GRM1: variants seen among roughly 807,000 people sequenced by gnomAD.
GRM1 encodes metabotropic glutamate receptor 1.
In GRM1, 33 loss-of-function variants were observed where a neutral mutation model predicts 90.9. That is an observed-to-expected ratio of 0.36 (90% CI 0.28 to 0.49). The LOEUF (loss-of-function observed/expected upper bound fraction) is 0.49. Among genes scored for constraint, GRM1 ranks in the 20% least tolerant of loss-of-function variants. GRM1 has a pLI of 0.99. For synonymous variants in GRM1, 700 were observed against 613.2 expected, an observed-to-expected ratio of 1.14 and a Z score of -2.09; for missense variants, 1,190 against 1,534.3, an observed-to-expected ratio of 0.78 and a Z score of 3.75.
chr6:146,101,442 G>C (rs1490567928), intron 1 of GRM1, among the ~76,000 whole-genome samples: 1 of 152,006 alleles, frequency 6.6e-6, no homozygotes. Context: ...ATTGTTAAAA[G>C]CCCTTCAGTA....
Position 146,078,120 on chromosome 6 carries a change from C to G in GRM1, c.700+47903C>G, listed in dbSNP as rs1326301123. ...GAAAAAAAAGATTTCCTTTGTCGCT[C>G]TGTGTGATGAGAGGAGTAAGCATTG... is the stretch of plus-strand genomic sequence containing the variant. On this transcript the variant is annotated intron_variant, in intron 1 of 7. Coordinates refer to ENST00000282753, the MANE Select transcript of GRM1 (RefSeq NM_001278064.2). Among the ~76,000 whole-genome samples, 4 of 152,154 alleles carry G rather than the reference C, an allele frequency of 2.6e-5. No individual in the cohort carries two copies. In the East Asian group the frequency reaches 7.7e-4, roughly 29 times the overall value.
chr6:146,047,968 G>C (rs767869621), intron 1 of GRM1, among the ~76,000 whole-genome samples: 1 of 151,904 alleles, frequency 6.6e-6, no homozygotes, highest in Non-Finnish European at 1.5e-5. Context: ...CACTCCTTAT[G>C]TCACTCCTTA....
rs1431804100 is a variant in GRM1 at position 146,244,218 on chromosome 6, A to ACTT, written c.951-60393_951-60392insCTT. Among the ~76,000 whole-genome samples, 130 of 152,222 alleles carry ACTT rather than the reference A, an allele frequency of 8.5e-4. 1 individual carries two copies. The highest frequency in any genetic ancestry group is 7.2e-4 in the Admixed American group (11 of 15,264). On this transcript the variant is annotated intron_variant, in intron 2 of 7. Transcript: ENST00000282753. ...TGACAGGATTAAGAGATTAAAGTAA[A>ACTT]GACAGGCATAGGAAATCACAAGAGT...
intron 1 of GRM1, among the ~76,000 whole-genome samples, chr6:146,134,148 A>G (rs1331857013): frequency 2.0e-5 from 3 of 152,196 alleles, no homozygotes; most frequent in Non-Finnish European, 4.4e-5. Context: ...CTCCTGCAGC[A>G]TATTGAATAC....
chr6:146,213,302 G>A (rs371022334), intron 2 of GRM1, among the ~76,000 whole-genome samples: 30 of 152,148 alleles, frequency 2.0e-4, no homozygotes, highest in Admixed American at 5.9e-4. Context: ...GATGAGATTG[G>A]GTGGGGGGCG....
chr6:146,372,149 C>A (rs983120121), intron 5 of GRM1, among the ~76,000 whole-genome samples: 1 of 152,152 alleles, frequency 6.6e-6, no homozygotes, highest in African/African-American at 2.4e-5. Flanking sequence ...TGGATATAAA[C>A]CATTTTAACT....
chr6:146,352,277 T>C lies in GRM1; in HGVS notation c.1214T>C (p.Val405Ala). The change falls in exon 4 of 8, where the codon GTC becomes GCC. Residue 405 changes from valine (V) to alanine (A), a missense_variant. Val to Ala is a moderately conservative substitution (Grantham distance 64). Around this residue, in one of 10 missense-constraint regions of GRM1, gnomAD observed 414 missense variants for 598.4 expected, o/e 0.69. Coordinates refer to ENST00000282753, the MANE Select transcript of GRM1 (RefSeq NM_001278064.2). ...TGNESLEENY[V>A]QDSKMGFVIN... ...AATGAAAGCTTAGAAGAAAACTATG[T>C]CCAGGACAGTAAGATGGGGTTTGTC... The C allele has an allele frequency of 1.2e-6, 2 of 1,613,726 alleles. No individual in the cohort carries two copies. The highest frequency in any genetic ancestry group is 1.7e-6 in the Non-Finnish European group (2 of 1,179,634).
At chr6:146,100,172 T>C (rs1355659247) in intron 1 of GRM1, among the ~76,000 whole-genome samples, 6 of 152,240 alleles carry the variant, frequency 3.9e-5, no homozygotes, top group Non-Finnish European at 8.8e-5. Flanking sequence ...GGATTTTCAC[T>C]TTTGCGAAGC....
At chr6:146,241,237 G>A (rs1476949781) in intron 2 of GRM1, among the ~76,000 whole-genome samples, 1 of 151,988 alleles carries the variant, frequency 6.6e-6, no homozygotes, top group Non-Finnish European at 1.5e-5. Flanking sequence ...GAAGAGGGAG[G>A]CATTCTGCTG....
At chr6:146,326,527 A>G (rs1784406330) in intron 3 of GRM1, among the ~76,000 whole-genome samples, 1 of 152,174 alleles carries the variant, frequency 6.6e-6, no homozygotes, top group South Asian at 2.1e-4. Flanking sequence ...TAATCTGTAC[A>G]ATAAACCCCC....
At position 146,202,057 on chromosome 6, in the gene GRM1, G is replaced by A. The variant is rs12110497; in HGVS notation, c.950+42460G>A. Among the ~76,000 whole-genome samples, 747 of 152,260 alleles carry A rather than the reference G, an allele frequency of 4.9e-3. 4 individuals are homozygous for A. The highest frequency in any genetic ancestry group is 0.017 in the African/African-American group (716 of 41,544). On this transcript the variant is annotated intron_variant, in intron 2 of 7. Coordinates refer to ENST00000282753, the MANE Select transcript of GRM1 (RefSeq NM_001278064.2). ...TAACTTGGATGACTCAGATAAGTGG[G>A]ACTCTGATAGCCAGAGAGTGCATCC...
In GRM1 at chr6:146,168,546, C is replaced by T. The variant is rs1583103254; in HGVS notation, c.950+8949C>T. ...TACCCGTATAAAAACTATTTATGAC[C>T]TTCTTCATTCCTTTGTATTAATCCA... is the stretch of plus-strand genomic sequence containing the variant. On this transcript the variant is annotated intron_variant, in intron 2 of 7. Transcript: ENST00000282753. 3.3e-5 allele frequency among the ~76,000 whole-genome samples: 5 copies of T among 151,872 alleles called. 1 individual carries two copies. Among genetic ancestry groups the T allele is most frequent in the Admixed American group, 3.3e-4 (5 of 15,242 alleles).
chr6:146,113,818 G>A (rs1775647819), intron 1 of GRM1, among the ~76,000 whole-genome samples: 1 of 152,106 alleles, frequency 6.6e-6, no homozygotes, highest in African/African-American at 2.4e-5. Context: ...CAAACCATTA[G>A]CCTGTATCTT....
chr6:146,056,086 C>T (rs1582937432), intron 1 of GRM1, among the ~76,000 whole-genome samples: 2 of 152,194 alleles, frequency 1.3e-5, no homozygotes, highest in African/African-American at 4.8e-5. Flanking sequence ...GATTAGAACT[C>T]ATATTTCTCA....
intron 2 of GRM1, among the ~76,000 whole-genome samples, chr6:146,182,311 C>G (rs866682690): frequency 2.0e-5 from 3 of 151,944 alleles, no homozygotes; most frequent in African/African-American, 7.2e-5. Flanking sequence ...CTTTGAAATA[C>G]ATTGTCTAGA....
chr6:146,227,954 C>A (rs1419426315), intron 2 of GRM1, among the ~76,000 whole-genome samples: 1 of 152,138 alleles, frequency 6.6e-6, no homozygotes, highest in Non-Finnish European at 1.5e-5. Context: ...ATCTGCACTT[C>A]TTAGAGATTT....
intron 1 of GRM1, among the ~76,000 whole-genome samples, chr6:146,100,313 G>T (rs1057117307): frequency 2.0e-5 from 3 of 152,084 alleles, no homozygotes; most frequent in African/African-American, 7.2e-5. Flanking sequence ...TAATTTTAAT[G>T]TAGTTAAAAT....
intron 1 of GRM1, among the ~76,000 whole-genome samples, chr6:146,078,933 G>A (rs939257295): frequency 3.3e-5 from 5 of 152,176 alleles, no homozygotes; most frequent in African/African-American, 1.2e-4. Flanking sequence ...CACTTTGAAG[G>A]GTGGGGGAGA....
In GRM1 at chr6:146,378,092, C is replaced by T. The variant is rs114045474; in HGVS notation, c.1603-8798C>T. ...GGAAGAGTTGAGGAGTGGGAACCTC[C>T]GCCTAGATTTCAGAGGATACATGGA... is the stretch of plus-strand genomic sequence containing the variant. On this transcript the variant is annotated intron_variant, in intron 5 of 7. Coordinates refer to ENST00000282753, the MANE Select transcript of GRM1 (RefSeq NM_001278064.2). Among the ~76,000 whole-genome samples the T allele has an allele frequency of 9.9e-3, 1,507 of 152,290 alleles. 22 individuals are homozygous for T. Among genetic ancestry groups the T allele is most frequent in the African/African-American group, 0.034 (1,413 of 41,552 alleles).
Sources: gnomAD v4.1 joint callset for allele counts (sites outside exome capture counted in the v4.1 genomes callset) on GRCh38, gnomAD v4.1.1 for gene constraint, gnomAD v4.1.1 regional missense constraint, MANE v1.5 for transcripts, NCBI Gene and HGNC (gene_info 2026-07-23, HGNC 2026-07-21) for gene names.